BCDIN3D: variants seen among roughly 807,000 people sequenced by gnomAD.
BCDIN3D encodes BCDIN3 domain containing RNA methyltransferase.
A neutral mutation model predicts 21.2 loss-of-function variants in BCDIN3D; 15 were observed. That is an observed-to-expected ratio of 0.71 (90% CI 0.47 to 1.09). BCDIN3D has a LOEUF of 1.09. Ranked by LOEUF, BCDIN3D falls within the 50% of genes least tolerant of loss-of-function variation. The pLI is 0.00. For synonymous variants in BCDIN3D, 127 were observed against 141.9 expected (o/e 0.90, Z 0.75); for missense variants, 331 against 366.2 (o/e 0.90, Z 0.79).
rs756513529 is a variant in BCDIN3D, at chr12:49,838,441, GTC to G, written c.807_808del (p.Glu269AspfsTer6). The G allele has an allele frequency of 1.2e-6, 2 of 1,613,232 alleles. No individual in the cohort carries two copies. The highest frequency in any genetic ancestry group is 1.3e-5 in the African/African-American group (1 of 74,892). Reference sequence around the variant, plus strand: ...TATCAGTGATTCAGGGATTGGATGAGTCTCTATGGTTTGTTTTGCCCTGAAGA... The same window carrying G: ...TATCAGTGATTCAGGGATTGGATGAGTCTATGGTTTGTTTTGCCCTGAAGA... On this transcript the variant is annotated frameshift_variant, in exon 2 of 2. Coordinates refer to ENST00000333924, the MANE Select transcript of BCDIN3D (RefSeq NM_181708.3). LOFTEE classifies it high-confidence loss of function.
chr12:49,842,993 C>A lies in BCDIN3D; in HGVS notation c.95G>T (p.Gly32Val), dbSNP rs534534936. ...GAAGCGAGAATAATGAGGAAAATTT[C>A]CGAACGGGGCGGCGCCAGGTGCCAG... ...RVLAPGAAPF[G>V]NFPHYSRFHP... Residue 32 changes from glycine (G) to valine (V), a missense_variant, in exon 1 of 2, where the codon GGA becomes GTA. Coordinates refer to ENST00000333924, the MANE Select transcript of BCDIN3D (RefSeq NM_181708.3). 6.2e-7 allele frequency: 1 copy of A among 1,614,234 alleles called. No homozygotes were observed. The highest frequency in any genetic ancestry group is 1.1e-5 in the South Asian group (1 of 91,090).
Position 49,838,685 on chromosome 12 carries a change from G to A in BCDIN3D, c.565C>T (p.Leu189Phe), listed in dbSNP as rs776813290. ...GGCTCCACAAGGAGGTAGTGGCAGA[G>A]GGAGGAAAGATGGGCCAGGAACTCC... ...LWEFLAHLSS[L>F]CHYLLVEPQP... The change falls in exon 2 of 2, where the codon CTC (leucine) becomes TTC (phenylalanine). Residue 189 changes from leucine (L) to phenylalanine (F), a missense_variant. Leu to Phe is a conservative substitution (Grantham distance 22). Coordinates refer to ENST00000333924, the MANE Select transcript of BCDIN3D (RefSeq NM_181708.3). 3 of 1,613,872 alleles carry A rather than the reference G, an allele frequency of 1.9e-6. No individual in the cohort carries two copies. In the South Asian group the frequency reaches 3.3e-5, roughly 18 times the overall value.
At position 49,843,054 on chromosome 12, in the gene BCDIN3D, C is replaced by T; in HGVS notation, c.34G>A (p.Val12Ile). 6.2e-7 allele frequency: 1 copy of T among 1,614,188 alleles called. No individual in the cohort carries two copies. The highest frequency in any genetic ancestry group is 8.5e-7 in the Non-Finnish European group (1 of 1,180,042). Reference protein sequence around the residue: ...AVPTELDGGSVKETAAEEESR... With the variant: ...AVPTELDGGSIKETAAEEESR... ...TCCTCTTCCGCTGCGGTCTCCTTAA[C>T]ACTCCCTCCATCCAGTTCCGTGGGC... Residue 12 changes from valine (V) to isoleucine (I), a missense_variant, in exon 1 of 2, where the codon GTT becomes ATT. Coordinates refer to ENST00000333924, the MANE Select transcript of BCDIN3D (RefSeq NM_181708.3).
In BCDIN3D at chr12:49,838,303, G is replaced by A; in HGVS notation, c.*68C>T. The A allele has an allele frequency of 2.0e-6, 3 of 1,472,560 alleles. No homozygotes were observed. The highest frequency in any genetic ancestry group is 1.8e-6 in the Non-Finnish European group (2 of 1,099,498). The allele number at this position is 1,472,560 out of a possible 1,614,324, so 91.2% of individuals were successfully genotyped here. On this transcript the variant is annotated 3_prime_UTR_variant, in exon 2 of 2. Transcript: ENST00000333924. ...GGCTGCCTGATTGTTAAGGAATTAA[G>A]GAGAATGAACATAATTCTCAATATA... is the stretch of plus-strand genomic sequence containing the variant.
chr12:49,838,244 G>A lies in BCDIN3D; in HGVS notation c.*127C>T, dbSNP rs559504566. 28 of 907,656 alleles carry A rather than the reference G, an allele frequency of 3.1e-5. No individual in the cohort carries two copies. Among genetic ancestry groups the A allele is most frequent in the Non-Finnish European group, 4.5e-5 (27 of 598,044 alleles). 56.2% of individuals were successfully genotyped at this position (907,656 alleles called of 1,614,324 possible). On this transcript the variant is annotated 3_prime_UTR_variant, in exon 2 of 2. Transcript: ENST00000333924. ...ACTGATTCTTTCAATTATGTGCCTT[G>A]GACATTTTACCAAAAGCTCCTGCCA...
At chr12:49,840,959 C>G (rs931510010) in intron 1 of BCDIN3D, 3 of 150,946 alleles carry the variant, frequency 2.0e-5, no homozygotes, top group African/African-American at 7.3e-5. Context: ...GTAGCTGGGA[C>G]TACAGATGCC....
In BCDIN3D at chr12:49,838,560, C is replaced by T. The variant is rs1946527638; in HGVS notation, c.690G>A (p.Met230Ile). 1 of 1,614,028 alleles carries T rather than the reference C, an allele frequency of 6.2e-7. No homozygotes were observed. The highest frequency in any genetic ancestry group is 1.3e-5 in the African/African-American group (1 of 74,900). The change falls in exon 2 of 2, where the codon ATG becomes ATA. Residue 230 changes from methionine (M) to isoleucine (I), a missense_variant. Met to Ile is a conservative substitution (Grantham distance 10). Transcript: ENST00000333924. ...HFHSLAIRGD[M>I]PNQIVQILTQ... ...TCAAGATCTGCACAATCTGATTGGGCATGTCACCTCGGATGGCAAGGGAGT... is the reference window on the plus strand; with the variant it reads ...TCAAGATCTGCACAATCTGATTGGGTATGTCACCTCGGATGGCAAGGGAGT...
At chr12:49,841,428 CAGAA>C (rs1226603105) in intron 1 of BCDIN3D, among the ~76,000 whole-genome samples, 3 of 152,100 alleles carry the variant, frequency 2.0e-5, no homozygotes, top group Non-Finnish European at 2.9e-5. Flanking sequence ...AACTGCAAAA[CAGAA>C]AGCTCCATAA....
intron 1 of BCDIN3D, chr12:49,840,760 G>A (rs1003918623): frequency 6.6e-6 from 1 of 151,312 alleles, no homozygotes; most frequent in Non-Finnish European, 1.5e-5. Context: ...ATCCACCAGC[G>A]TCAGTCTCTG....
chr12:49,838,504 CA>C lies in BCDIN3D; in HGVS notation c.745del (p.Cys249AlafsTer20). Reference sequence around the variant, plus strand: ...TCTGTCCCAACTGGTGTTGCCAAAGCAACATATTAATTCCATGCCATGATCC... The same window carrying C: ...TCTGTCCCAACTGGTGTTGCCAAAGCACATATTAATTCCATGCCATGATCC... ...TQDHGMELICCFGNTSWDRSL... is the reference protein window; with the variant it reads ...TQDHGMELICXFGNTSWDRSL... On this transcript the variant is annotated frameshift_variant, in exon 2 of 2. Transcript: ENST00000333924. LOFTEE classifies it high-confidence loss of function. 6.2e-7 allele frequency: 1 copy of C among 1,614,118 alleles called. No individual in the cohort carries two copies. The highest frequency in any genetic ancestry group is 8.5e-7 in the Non-Finnish European group (1 of 1,180,026).
Position 49,838,221 on chromosome 12 carries a change from T to G in BCDIN3D, c.*150A>C, listed in dbSNP as rs374574495. 6.6e-4 allele frequency: 488 copies of G among 738,456 alleles called. 4 individuals carry two copies. In the South Asian group the frequency reaches 8.7e-3, roughly 13 times the overall value. The allele number at this position is 738,456 out of a possible 1,614,324, so 45.7% of individuals were successfully genotyped here. ...GTTCCAAACAATGGGGAACAGATAC[T>G]GATTCTTTCAATTATGTGCCTTGGA... On this transcript the variant is annotated 3_prime_UTR_variant, in exon 2 of 2. Transcript: ENST00000333924.
chr12:49,838,301 A>G lies in BCDIN3D; in HGVS notation c.*70T>C. Reference sequence around the variant, plus strand: ...GCGGCTGCCTGATTGTTAAGGAATTAAGGAGAATGAACATAATTCTCAATA... The same window carrying G: ...GCGGCTGCCTGATTGTTAAGGAATTGAGGAGAATGAACATAATTCTCAATA... On this transcript the variant is annotated 3_prime_UTR_variant, in exon 2 of 2. Coordinates refer to ENST00000333924, the MANE Select transcript of BCDIN3D (RefSeq NM_181708.3). 1 of 1,472,470 alleles carries G rather than the reference A, an allele frequency of 6.8e-7. No individual in the cohort carries two copies. The allele number at this position is 1,472,470 out of a possible 1,614,324, so 91.2% of individuals were successfully genotyped here.
chr12:49,838,330 A>G lies in BCDIN3D; in HGVS notation c.*41T>C. 1.3e-6 allele frequency: 2 copies of G among 1,556,920 alleles called. No individual in the cohort carries two copies. Among genetic ancestry groups the G allele is most frequent in the Non-Finnish European group, 1.7e-6 (2 of 1,156,590 alleles). On this transcript the variant is annotated 3_prime_UTR_variant, in exon 2 of 2. Transcript: ENST00000333924. The stretch of plus-strand genomic sequence containing the variant: ...AGAATGAACATAATTCTCAATATAA[A>G]ACCCTTTCAATATCTTTCTTGGTCT...
At chr12:49,842,713 G>C in intron 1 of BCDIN3D, 141 bp downstream of exon 1, 1 of 729,610 alleles carries the variant, frequency 1.4e-6, no homozygotes, top group Non-Finnish European at 2.3e-6. Flanking sequence ...AGGCAGCAGC[G>C]GCACTGGCTC....
chr12:49,839,109 C>T (rs1320013377), intron 1 of BCDIN3D, 94 bp from the exon 2 acceptor site: 18 of 1,385,244 alleles, frequency 1.3e-5, no homozygotes, highest in South Asian at 2.8e-5. Context: ...TGCCACTTAC[C>T]TCTGGCTGTA....
At position 49,838,924 on chromosome 12, in the gene BCDIN3D, C is replaced by T; in HGVS notation, c.326G>A (p.Cys109Tyr). Residue 109 changes from cysteine (C) to tyrosine (Y), a missense_variant, in exon 2 of 2, where the codon TGC becomes TAC. Transcript: ENST00000333924. ...CTTCACCAGGACTGGATCTATGTCG[C>T]AGCAGAGGAGACGGAATTCTCTTGA... Reference protein sequence around the residue: ...DASREFRLLCCDIDPVLVKRA... With the variant: ...DASREFRLLCYDIDPVLVKRA... 6.2e-7 allele frequency: 1 copy of T among 1,614,184 alleles called. No individual in the cohort carries two copies. The highest frequency in any genetic ancestry group is 1.1e-5 in the South Asian group (1 of 91,080).
chr12:49,838,199 C>A lies in BCDIN3D; in HGVS notation c.*172G>T. On this transcript the variant is annotated 3_prime_UTR_variant, in exon 2 of 2. Coordinates refer to ENST00000333924, the MANE Select transcript of BCDIN3D (RefSeq NM_181708.3). ...AGATTCATTCTCCTCAAGATTTGTT[C>A]CAAACAATGGGGAACAGATACTGAT... 1.5e-6 allele frequency: 1 copy of A among 657,968 alleles called. No individual in the cohort carries two copies. Among genetic ancestry groups the A allele is most frequent in the South Asian group, 2.0e-5 (1 of 49,896 alleles). 40.8% of individuals were successfully genotyped at this position (657,968 alleles called of 1,614,324 possible).
chr12:49,839,276 C>T (rs1946535614), intron 1 of BCDIN3D: 3 of 445,846 alleles, frequency 6.7e-6, no homozygotes, highest in Non-Finnish European at 1.2e-5. Context: ...CTGAAAGTTA[C>T]AGCCAAATGG....
intron 1 of BCDIN3D, among the ~76,000 whole-genome samples, chr12:49,841,408 A>AT (rs1946552773): frequency 6.6e-6 from 1 of 152,094 alleles, no homozygotes; most frequent in Admixed American, 6.5e-5. Context: ...AAGAAAAAGC[A>AT]TTTTTTAAAA....
Sources: allele counts gnomAD v4.1 joint callset (sites outside exome capture counted in the v4.1 genomes callset), GRCh38; gene constraint gnomAD v4.1.1; transcripts MANE v1.5; gene names NCBI Gene and HGNC (gene_info 2026-07-23, HGNC 2026-07-21).